The following ZRSR2 variants were observed in gnomAD, a reference collection of about 807,000 sequenced individuals.
ZRSR2 encodes U2 small nuclear ribonucleoprotein auxiliary factor 35 kDa subunit-related protein 2.
Under a neutral mutation model 39.4 loss-of-function variants are expected in ZRSR2, and 3 were observed. The observed-to-expected ratio is 0.08, with a 90% confidence interval of 0.03 to 0.20. The LOEUF (loss-of-function observed/expected upper bound fraction) is 0.20, where lower values mean the gene tolerates loss of function less well. ZRSR2 is among the 10% of genes least tolerant of loss of function. ZRSR2 has a pLI of 1.00. For missense variants in ZRSR2, 256 were observed against 391.5 expected, an observed-to-expected ratio of 0.65 and a Z score of 2.92; for synonymous variants, 137 against 136.0, an observed-to-expected ratio of 1.01 and a Z score of -0.05.
In ZRSR2 at chrX:15,808,237, C is replaced by T; in HGVS notation, c.404C>T (p.Ala135Val). 8.3e-7 allele frequency: 1 copy of T among 1,208,385 alleles called. No homozygotes were observed. Among genetic ancestry groups the T allele is most frequent in the Non-Finnish European group, 1.1e-6 (1 of 893,717 alleles). The change falls in exon 6 of 11, where the codon GCT (alanine) becomes GTT (valine). Residue 135 changes from alanine (A) to valine (V), a missense_variant. By Grantham distance (64) the Ala-to-Val change is moderately conservative (BLOSUM62 0). Transcript: ENST00000307771. ...CCTGTGTTTGCACCATTTTAGGAAG[C>T]TTTGCAGAAGATGCTGGATCAGGCT... ...KRQEKKEKEEALQKMLDQAEN... is the reference protein window; with the variant it reads ...KRQEKKEKEEVLQKMLDQAEN...
intron 7 of ZRSR2, 111 bp downstream of exon 7, chrX:15,809,429 A>C: frequency 1.8e-6 from 1 of 549,151 alleles, no homozygotes; most frequent in Non-Finnish European, 3.1e-6. Flanking sequence ...CCGTCATCAG[A>C]CATCTGCTGC....
chrX:15,811,960 C>T (rs188079852), intron 7 of ZRSR2, among the ~76,000 whole-genome samples: 5 of 111,163 alleles, frequency 4.5e-5, no homozygotes, highest in South Asian at 7.5e-4. Context: ...GACGGAGTCT[C>T]GCTCTGTCGC....
chrX:15,816,248 G>A (rs1020989708), intron 8 of ZRSR2, among the ~76,000 whole-genome samples: 5 of 111,407 alleles, frequency 4.5e-5, no homozygotes, highest in Non-Finnish European at 7.5e-5. Flanking sequence ...TGTGACAAAC[G>A]GTGCATTCCC....
intron 2 of ZRSR2, among the ~76,000 whole-genome samples, chrX:15,794,164 A>G (rs1314653033): frequency 1.8e-5 from 2 of 111,738 alleles, no homozygotes; most frequent in African/African-American, 6.5e-5. Flanking sequence ...TCAGCATCCC[A>G]AATCCAAAGA....
At chrX:15,807,580 A>G (rs1932813329) in intron 5 of ZRSR2, among the ~76,000 whole-genome samples, 1 of 109,487 alleles carries the variant, frequency 9.1e-6, no homozygotes, top group Non-Finnish European at 1.9e-5. Context: ...GTGAGCCACC[A>G]TGCCCGGCCT....
At chrX:15,804,053 A>T (rs1932754089) in intron 4 of ZRSR2, 58 bp from the exon 5 acceptor site, 3 of 1,105,176 alleles carry the variant, frequency 2.7e-6, no homozygotes, top group Non-Finnish European at 2.4e-6. Context: ...TGTGCGCTGT[A>T]TGTGAAATGT....
chrX:15,822,922 C>T lies in ZRSR2; in HGVS notation c.1129C>T (p.Leu377=), dbSNP rs182585838. The T allele has an allele frequency of 4.8e-5, 58 of 1,211,165 alleles. No homozygotes were observed. The South Asian group carries it at 9.1e-4, about 19-fold the overall frequency. Residue 377 remains leucine, a synonymous_variant, in exon 11 of 11, where the codon CTG becomes TTG. Coordinates refer to ENST00000307771, the MANE Select transcript of ZRSR2 (RefSeq NM_005089.4). The part of the protein sequence containing the change: ...MGHHDDYYSR[L]RGRRNPSPDH... ...CCACCACGACGACTACTACAGCAGG[C>T]TGCGGGGAAGGAGAAACCCTAGTCC...
chrX:15,818,467 A>G, intron 8 of ZRSR2, 120 bp from the exon 9 acceptor site: 2 of 595,425 alleles, frequency 3.4e-6, no homozygotes, highest in South Asian at 3.2e-5. Context: ...TAGTATCTCT[A>G]TTTTGCAATC....
intron 8 of ZRSR2, among the ~76,000 whole-genome samples, chrX:15,816,878 C>T (rs111291381): frequency 0.015 from 1,654 of 109,760 alleles, 17 homozygotes; most frequent in Admixed American, 0.024. Flanking sequence ...TTTTTTTTTT[C>T]CTCCTTAACC....
At chrX:15,806,799 C>T (rs947342954) in intron 5 of ZRSR2, among the ~76,000 whole-genome samples, 1 of 111,347 alleles carries the variant, frequency 9.0e-6, no homozygotes, top group African/African-American at 3.3e-5. Flanking sequence ...TCCTGAGTAG[C>T]TGGGACTACA....
intron 2 of ZRSR2, among the ~76,000 whole-genome samples, chrX:15,793,951 A>C (rs1932365287): frequency 8.9e-6 from 1 of 112,723 alleles, no homozygotes; most frequent in Non-Finnish European, 1.9e-5. Context: ...GTGCCTTGGC[A>C]AATGATTTCT....
intron 5 of ZRSR2, among the ~76,000 whole-genome samples, chrX:15,805,657 C>T (rs940546820): frequency 1.8e-5 from 2 of 111,564 alleles, no homozygotes; most frequent in Admixed American, 9.5e-5. Context: ...GCAGGCCAGG[C>T]GTGGTGGCTC....
intron 2 of ZRSR2, among the ~76,000 whole-genome samples, chrX:15,794,673 G>A (rs1932390931): frequency 9.0e-6 from 1 of 111,644 alleles, no homozygotes; most frequent in Admixed American, 9.6e-5. Flanking sequence ...AGGTGGAAGA[G>A]GTGGAGGAGG....
chrX:15,822,649 GAA>G (rs775862286), intron 10 of ZRSR2, 80 bp from the exon 11 acceptor site: 7 of 1,195,676 alleles, frequency 5.9e-6, no homozygotes, highest in Non-Finnish European at 7.9e-6. Context: ...CCAAATATCA[GAA>G]ATGTACCTTC....
At chrX:15,792,516 T>C (rs1932316780) in intron 2 of ZRSR2, among the ~76,000 whole-genome samples, 1 of 112,430 alleles carries the variant, frequency 8.9e-6, no homozygotes, top group Admixed American at 9.4e-5. Context: ...CAGGTAATGC[T>C]AGGGATGATG....
chrX:15,808,293 G>A, intron 6 of ZRSR2, 22 bp downstream of exon 6: 1 of 1,159,299 alleles, frequency 8.6e-7, no homozygotes, highest in African/African-American at 1.8e-5. Flanking sequence ...ACCTTACATT[G>A]ATAATTTGAG....
rs1408264666 is a variant in ZRSR2 at position 15,818,607 on chromosome X, T to A, written c.792T>A (p.Pro264=). ...IQFKVSCNLE[P]HLRGNVYVQY... ...CCTAGGTCAGCTGCAATTTGGAACC[T>A]CACCTGAGGGGCAATGTATATGTTC... is the stretch of plus-strand genomic sequence containing the variant. The change falls in exon 9 of 11, where the codon CCT becomes CCA. Residue 264 remains proline, a synonymous_variant. Coordinates refer to ENST00000307771, the MANE Select transcript of ZRSR2 (RefSeq NM_005089.4). 3 of 1,206,116 alleles carry A rather than the reference T, an allele frequency of 2.5e-6. No homozygotes were observed. Among genetic ancestry groups the A allele is most frequent in the Non-Finnish European group, 1.1e-6 (1 of 893,197 alleles).
intron 2 of ZRSR2, among the ~76,000 whole-genome samples, chrX:15,797,336 G>A (rs1174807351): frequency 3.8e-5 from 4 of 105,674 alleles, no homozygotes; most frequent in Non-Finnish European, 5.8e-5. Flanking sequence ...TCAGCCTCCC[G>A]AGTAGCTGGG....
At chrX:15,801,079 C>T (rs1932656080) in intron 3 of ZRSR2, among the ~76,000 whole-genome samples, 1 of 112,584 alleles carries the variant, frequency 8.9e-6, no homozygotes, top group Admixed American at 9.4e-5. Flanking sequence ...TCATACTAGG[C>T]ATTATCAGTT....
Sources: allele counts gnomAD v4.1 joint callset (sites outside exome capture counted in the v4.1 genomes callset), GRCh38; gene constraint gnomAD v4.1.1; transcripts MANE v1.5; gene names NCBI Gene and HGNC (gene_info 2026-07-23, HGNC 2026-07-21).